DLGAP2: variants seen among roughly 807,000 people sequenced by gnomAD.
DLGAP2 encodes the protein DLG associated protein 2.
A neutral mutation model predicts 100.3 loss-of-function variants in DLGAP2; 26 were observed. That is an observed-to-expected ratio of 0.26 (90% confidence interval 0.19 to 0.36). The LOEUF is 0.36. DLGAP2 is among the 10% of genes least tolerant of loss of function. DLGAP2 has a pLI of 1.00. For missense variants in DLGAP2, 1,858 were observed against 1,453.2 expected (o/e 1.28, Z -4.53); for synonymous variants, 886 against 630.1 (o/e 1.41, Z -6.08).
intron 6 of DLGAP2, among the ~76,000 whole-genome samples, chr8:1,623,053 A>C (rs1797388657): frequency 6.6e-6 from 1 of 152,208 alleles, no homozygotes; most frequent in Non-Finnish European, 1.5e-5. Flanking sequence ...ATATGATAAA[A>C]TGCTAAGCCA....
intron 3 of DLGAP2, among the ~76,000 whole-genome samples, chr8:1,455,068 G>A (rs1326707513): frequency 6.6e-6 from 1 of 152,226 alleles, no homozygotes; most frequent in Non-Finnish European, 1.5e-5. Flanking sequence ...GAAGGTTCCA[G>A]ACACATCATC....
intron 14 of DLGAP2, among the ~76,000 whole-genome samples, chr8:1,697,538 C>T (rs1368010226): frequency 6.6e-6 from 1 of 152,206 alleles, no homozygotes; most frequent in Non-Finnish European, 1.5e-5. Flanking sequence ...ATAGGGTCTC[C>T]CCTGCTCTGT....
intron 6 of DLGAP2, among the ~76,000 whole-genome samples, chr8:1,567,389 C>G (rs997397569): frequency 2.6e-5 from 4 of 152,174 alleles, no homozygotes; most frequent in Non-Finnish European, 4.4e-5. Context: ...TTTTGGACCC[C>G]CAGGTAAACA....
chr8:1,422,650 C>T (rs1797128042), intron 3 of DLGAP2, among the ~76,000 whole-genome samples: 1 of 151,620 alleles, frequency 6.6e-6, no homozygotes, highest in East Asian at 1.9e-4. Context: ...GGCTGGAGGG[C>T]ACGGCTGGTG....
At chr8:1,650,854 GAC>G (rs1191029574) in intron 8 of DLGAP2, among the ~76,000 whole-genome samples, 1 of 148,402 alleles carries the variant, frequency 6.7e-6, no homozygotes, top group Non-Finnish European at 1.5e-5. Context: ...GAGGAGAGTA[GAC>G]ACAGAAGCTT....
rs540642906 is a variant in DLGAP2 at position 971,245 on chromosome 8, A to G, written c.73+63279A>G. Among the ~76,000 whole-genome samples the G allele has an allele frequency of 2.0e-5, 3 of 152,328 alleles. No individual in the cohort carries two copies. The East Asian group carries it at 5.8e-4, about 29-fold the overall frequency. On this transcript the variant is annotated intron_variant, in intron 2 of 14. Transcript: ENST00000637795. ...AATTCATAAAGAACTCTTGTAACTT[A>G]ACAATAAAATGACTAATAACCCAAC... is the stretch of plus-strand genomic sequence containing the variant.
intron 3 of DLGAP2, among the ~76,000 whole-genome samples, chr8:1,411,048 G>A (rs1796716851): frequency 6.6e-6 from 1 of 152,050 alleles, no homozygotes; most frequent in African/African-American, 2.4e-5. Flanking sequence ...TGCATAAAAG[G>A]TGACTAAAGT....
rs1423351048 is a variant in DLGAP2, at chr8:1,708,108, T to C, written c.*6702T>C. On this transcript the variant is annotated 3_prime_UTR_variant, in exon 15 of 15. Coordinates refer to ENST00000637795, the MANE Select transcript of DLGAP2 (RefSeq NM_001346810.2). ...ACTTTTTTTCACTCTCAGCTGACTGTAAGAAACTGTGCACCGTTTCCGCCA... is the reference window on the plus strand; with the variant it reads ...ACTTTTTTTCACTCTCAGCTGACTGCAAGAAACTGTGCACCGTTTCCGCCA... 9 of 152,242 alleles carry C rather than the reference T, an allele frequency of 5.9e-5. No homozygotes were observed. The highest frequency in any genetic ancestry group is 1.3e-4 in the Non-Finnish European group (9 of 68,038). 9.4% of individuals were successfully genotyped at this position (152,242 alleles called of 1,614,324 possible).
At position 1,211,286 on chromosome 8, in the gene DLGAP2, G is replaced by T. The variant is rs371405203; in HGVS notation, c.74-47565G>T. Among the ~76,000 whole-genome samples, 12 of 152,226 alleles carry T rather than the reference G, an allele frequency of 7.9e-5. No individual in the cohort carries two copies. The East Asian group carries it at 1.5e-3, about 20-fold the overall frequency. On this transcript the variant is annotated intron_variant, in intron 2 of 14. Coordinates refer to ENST00000637795, the MANE Select transcript of DLGAP2 (RefSeq NM_001346810.2). ...AACACAGGGTGGCCGTGGGGACGTT[G>T]TTAAAAGTGGGTCTAATCAGTGGAG...
At chr8:973,658 C>T (rs181017579) in intron 2 of DLGAP2, among the ~76,000 whole-genome samples, 28 of 152,400 alleles carry the variant, frequency 1.8e-4, no homozygotes, top group African/African-American at 6.5e-4. Flanking sequence ...CACTGCACTC[C>T]AGCCTCTGCT....
intron 4 of DLGAP2, among the ~76,000 whole-genome samples, chr8:1,518,248 C>G (rs1800463589): frequency 6.6e-6 from 1 of 152,222 alleles, no homozygotes; most frequent in South Asian, 2.1e-4. Flanking sequence ...CGACTGCTCC[C>G]AAATTGCATT....
chr8:1,497,882 A>G (rs1799596116), intron 3 of DLGAP2, among the ~76,000 whole-genome samples: 1 of 152,178 alleles, frequency 6.6e-6, no homozygotes, highest in Admixed American at 6.5e-5. Flanking sequence ...AAGTATTTTG[A>G]AGGGGTTTAT....
chr8:1,585,012 C>T (rs1417924360), intron 6 of DLGAP2, among the ~76,000 whole-genome samples: 1 of 146,230 alleles, frequency 6.8e-6, no homozygotes, highest in African/African-American at 2.6e-5. Flanking sequence ...TAAAAACTTC[C>T]ATTTTTAAAT....
chr8:1,509,010 T>C (rs1800056614), intron 4 of DLGAP2, among the ~76,000 whole-genome samples: 1 of 152,092 alleles, frequency 6.6e-6, no homozygotes, highest in South Asian at 2.1e-4. Context: ...GCCAGCAAAT[T>C]TTTAAATGGA....
chr8:986,080 T>C (rs1800478942), intron 2 of DLGAP2, among the ~76,000 whole-genome samples: 1 of 152,184 alleles, frequency 6.6e-6, no homozygotes, highest in Non-Finnish European at 1.5e-5. Flanking sequence ...AAACTCTTGA[T>C]ATCCACGTTA....
At chr8:1,318,797 G>A (rs866486603) in intron 3 of DLGAP2, among the ~76,000 whole-genome samples, 5 of 56,208 alleles carry the variant, frequency 8.9e-5, no homozygotes, top group Middle Eastern at 9.1e-3. Context: ...CCGCCCCCTC[G>A]CCCATCCTTG....
At chr8:1,011,935 C>A (rs568741989) in intron 2 of DLGAP2, among the ~76,000 whole-genome samples, 1 of 152,334 alleles carries the variant, frequency 6.6e-6, no homozygotes, top group East Asian at 1.9e-4. Context: ...GCCCTCTGCT[C>A]CACCTGGGCG....
chr8:1,558,044 A>G (rs1309282627), intron 5 of DLGAP2, among the ~76,000 whole-genome samples: 2 of 152,216 alleles, frequency 1.3e-5, no homozygotes, highest in East Asian at 3.9e-4. Flanking sequence ...AGACTCAGCC[A>G]TTGGCTGGCA....
At chr8:1,508,683 G>A (rs1000510119) in intron 4 of DLGAP2, among the ~76,000 whole-genome samples, 1 of 149,910 alleles carries the variant, frequency 6.7e-6, no homozygotes, top group African/African-American at 2.5e-5. Flanking sequence ...GGGGGAGTTG[G>A]AAGGAAAAAT....
Sources: gnomAD v4.1 joint callset for allele counts (sites outside exome capture counted in the v4.1 genomes callset) on GRCh38, gnomAD v4.1.1 for gene constraint, MANE v1.5 for transcripts, NCBI Gene and HGNC (gene_info 2026-07-23, HGNC 2026-07-21) for gene names.